The following DENND4C variants were observed in gnomAD, a reference collection of about 807,000 sequenced individuals.
DENND4C encodes DENN domain-containing protein 4C.
In DENND4C, 108 loss-of-function variants were observed where a neutral mutation model predicts 203.0. That is an observed-to-expected ratio of 0.53 (90% confidence interval 0.46 to 0.62). DENND4C has a LOEUF of 0.62. DENND4C is among the 20% of genes least tolerant of loss of function. DENND4C has a pLI of 0.00. For synonymous variants in DENND4C, 871 were observed against 792.4 expected (o/e 1.10, Z -1.67); for missense variants, 2,481 against 2,301.2 (o/e 1.08, Z -1.60).
intron 16 of DENND4C, among the ~76,000 whole-genome samples, chr9:19,329,822 C>G (rs1253503576): frequency 6.6e-6 from 1 of 152,160 alleles, no homozygotes; most frequent in Non-Finnish European, 1.5e-5. Flanking sequence ...GTATTACAAT[C>G]CAAAGGGAGT....
At chr9:19,359,899 TCA>T (rs1031244756) in intron 28 of DENND4C, among the ~76,000 whole-genome samples, 6 of 152,194 alleles carry the variant, frequency 3.9e-5, no homozygotes, top group African/African-American at 1.4e-4. Flanking sequence ...GAAGATAATG[TCA>T]CACAGTTTTT....
intron 1 of DENND4C, among the ~76,000 whole-genome samples, chr9:19,275,354 G>T (rs1359714923): frequency 7.0e-6 from 1 of 142,330 alleles, no homozygotes; most frequent in Non-Finnish European, 1.5e-5. Context: ...GTGCAGTGGC[G>T]CAATTTGGGC....
intron 8 of DENND4C, 73 bp downstream of exon 8, chr9:19,299,360 T>C: frequency 9.9e-7 from 1 of 1,010,060 alleles, no homozygotes; most frequent in South Asian, 1.8e-5. Context: ...TAGTGATTAG[T>C]ATATTATTAA....
At chr9:19,314,876 ATC>A (rs1841480854) in intron 10 of DENND4C, among the ~76,000 whole-genome samples, 2 of 152,100 alleles carry the variant, frequency 1.3e-5, no homozygotes, top group African/African-American at 4.8e-5. Context: ...TAAAAAAAGA[ATC>A]AGGCTGAGTG....
intron 1 of DENND4C, among the ~76,000 whole-genome samples, chr9:19,247,756 A>G (rs1038080172): frequency 1.3e-5 from 2 of 152,210 alleles, no homozygotes; most frequent in African/African-American, 4.8e-5. Flanking sequence ...ACTTGTCCAA[A>G]AAAGAATTAT....
intron 13 of DENND4C, 147 bp from the exon 14 acceptor site, chr9:19,325,792 T>C: frequency 2.8e-6 from 2 of 704,182 alleles, no homozygotes; most frequent in Non-Finnish European, 2.4e-6. Flanking sequence ...TAAGAGTATG[T>C]ATTCAGCCTA....
intron 32 of DENND4C, 96 bp downstream of exon 32, chr9:19,371,916 A>G (rs1170922553): frequency 3.8e-6 from 5 of 1,332,276 alleles, no homozygotes; most frequent in Non-Finnish European, 4.2e-6. Flanking sequence ...AAAGATTTAA[A>G]AGATTTCTAC....
chr9:19,269,672 T>C (rs190641735), intron 1 of DENND4C, among the ~76,000 whole-genome samples: 4 of 152,348 alleles, frequency 2.6e-5, no homozygotes, highest in East Asian at 1.9e-4. Context: ...ATCTTGAATT[T>C]CATTGAGCTT....
At chr9:19,360,192 A>C (rs1826170294) in intron 28 of DENND4C, 52 bp from the exon 29 acceptor site, 2 of 1,562,062 alleles carry the variant, frequency 1.3e-6, no homozygotes, top group East Asian at 4.5e-5. Context: ...AGTGCTCTTG[A>C]GCATACAGAT....
intron 17 of DENND4C, among the ~76,000 whole-genome samples, chr9:19,333,635 C>G (rs113460180): frequency 2.0e-5 from 3 of 152,176 alleles, no homozygotes; most frequent in Admixed American, 6.5e-5. Context: ...CTTAAAGTGC[C>G]TAGTTCATAG....
chr9:19,263,801 G>A (rs1204816940), intron 1 of DENND4C, among the ~76,000 whole-genome samples: 2 of 151,764 alleles, frequency 1.3e-5, no homozygotes, highest in South Asian at 2.1e-4. Context: ...GACTACAGGC[G>A]CCCACCACCA....
chr9:19,324,276 A>C, intron 12 of DENND4C, 86 bp from the exon 13 acceptor site: 1 of 977,100 alleles, frequency 1.0e-6, no homozygotes, highest in Non-Finnish European at 1.5e-6. Flanking sequence ...AAGAGAATGT[A>C]ATATAGATAA....
chr9:19,319,331 TATATAC>T (rs1842405400), intron 12 of DENND4C, among the ~76,000 whole-genome samples: 1 of 39,256 alleles, frequency 2.5e-5, no homozygotes, highest in Non-Finnish European at 6.2e-5. Flanking sequence ...TATATACATA[TATATAC>T]ACATATATAT....
chr9:19,276,265 C>T lies in DENND4C; in HGVS notation c.91C>T (p.Arg31Cys), dbSNP rs1420314257. The T allele has an allele frequency of 5.7e-6, 7 of 1,231,894 alleles. No individual in the cohort carries two copies. The highest frequency in any genetic ancestry group is 3.1e-4 in the Middle Eastern group (1 of 3,208). 76.3% of individuals were successfully genotyped at this position (1,231,894 alleles called of 1,614,324 possible). A position where few individuals can be genotyped will look rare whatever the true frequency, so the allele number is the denominator to read the frequency against. ...TACTCTTTTGGATCAAGAAATAAAT[C>T]GTTTAGATACTAAGTCAACTGGACC... is the stretch of plus-strand genomic sequence containing the variant. The part of the protein sequence containing the change: ...TSTLLDQEIN[R>C]LDTKSTGPKA... The change falls in exon 2 of 33, where the codon CGT (arginine) becomes TGT (cysteine). Residue 31 changes from arginine (R) to cysteine (C), a missense_variant. Physicochemically the swap from Arg to Cys is radical, Grantham distance 180. This residue lies in a region of DENND4C where 187 missense variants were observed against 167.4 expected (regional missense o/e 1.12). Coordinates refer to ENST00000434457, the MANE Select transcript of DENND4C (RefSeq NM_001330640.2).
chr9:19,361,612 C>G (rs1332033448), intron 29 of DENND4C, among the ~76,000 whole-genome samples: 1 of 152,218 alleles, frequency 6.6e-6, no homozygotes, highest in East Asian at 1.9e-4. Flanking sequence ...CTACAACCAT[C>G]ATGCCAGTTA....
chr9:19,284,190 T>C (rs544746030), intron 2 of DENND4C, among the ~76,000 whole-genome samples: 8 of 152,318 alleles, frequency 5.3e-5, no homozygotes, highest in African/African-American at 1.9e-4. Flanking sequence ...CCTATTTCTT[T>C]CTCTTAAACA....
Position 19,283,931 on chromosome 9 carries a change from C to T in DENND4C, c.306-2838C>T, listed in dbSNP as rs75915245. Among the ~76,000 whole-genome samples the T allele has an allele frequency of 5.4e-3, 826 of 152,222 alleles. 7 individuals are homozygous for T. Among genetic ancestry groups the T allele is most frequent in the Non-Finnish European group, 9.6e-3 (654 of 67,998 alleles). On this transcript the variant is annotated intron_variant, in intron 2 of 32. Transcript: ENST00000434457. Reference sequence around the variant, plus strand: ...TTGAGACACAGAATCATAGACCATACGAAGTTCTTATTTTCTTCCCTTTGT... The same window carrying T: ...TTGAGACACAGAATCATAGACCATATGAAGTTCTTATTTTCTTCCCTTTGT...
intron 26 of DENND4C, among the ~76,000 whole-genome samples, chr9:19,355,439 A>G (rs1392807002): frequency 6.6e-6 from 1 of 152,128 alleles, no homozygotes; most frequent in Non-Finnish European, 1.5e-5. Flanking sequence ...TAGGTCTTTA[A>G]TATATCTTTA....
intron 2 of DENND4C, among the ~76,000 whole-genome samples, chr9:19,286,364 A>T (rs1038480914): frequency 1.3e-5 from 2 of 152,168 alleles, no homozygotes; most frequent in Non-Finnish European, 2.9e-5. Context: ...GGATTTTTAA[A>T]GCTAAAAAAT....
Sources: gnomAD v4.1 joint callset for allele counts (sites outside exome capture counted in the v4.1 genomes callset) on GRCh38, gnomAD v4.1.1 for gene constraint, gnomAD v4.1.1 regional missense constraint, MANE v1.5 for transcripts, NCBI Gene and HGNC (gene_info 2026-07-23, HGNC 2026-07-21) for gene names.